KANK1: variants seen among roughly 807,000 people sequenced by gnomAD.
The protein encoded by KANK1 is KN motif and ankyrin repeat domains 1.
In KANK1, 109 loss-of-function variants were observed where a neutral mutation model predicts 106.2. The observed-to-expected ratio is 1.03, with a 90% CI of 0.88 to 1.20. The LOEUF (loss-of-function observed/expected upper bound fraction) is 1.20, where lower values mean the gene tolerates loss of function less well. Ranked by LOEUF, KANK1 falls within the 50% of genes most tolerant of loss-of-function variation. The pLI is 0.00. For missense variants in KANK1, 2,399 were observed against 1,710.7 expected, an observed-to-expected ratio of 1.40 and a Z score of -7.10; for synonymous variants, 873 against 652.2, an observed-to-expected ratio of 1.34 and a Z score of -5.16.
At chr9:667,418 C>G (rs1175021449) in intron 1 of KANK1, among the ~76,000 whole-genome samples, 2 of 151,634 alleles carry the variant, frequency 1.3e-5, no homozygotes, top group East Asian at 1.9e-4. Context: ...TATTTTTGCT[C>G]TGATCTTTAT....
At chr9:614,565 T>G (rs1246191539) in intron 1 of KANK1, among the ~76,000 whole-genome samples, 1 of 152,154 alleles carries the variant, frequency 6.6e-6, no homozygotes, top group Non-Finnish European at 1.5e-5. Flanking sequence ...CAGTTCCTCA[T>G]TGTGTGGGAC....
intron 2 of KANK1, among the ~76,000 whole-genome samples, chr9:695,766 C>A (rs774885668): frequency 9.2e-5 from 14 of 152,126 alleles, no homozygotes; most frequent in Non-Finnish European, 1.5e-4. Context: ...GATGCAGGTA[C>A]TATTATTTTC....
At chr9:671,353 G>T (rs917023883) in intron 1 of KANK1, among the ~76,000 whole-genome samples, 5 of 151,906 alleles carry the variant, frequency 3.3e-5, no homozygotes, top group Non-Finnish European at 5.9e-5. Flanking sequence ...GTCTAGAAAA[G>T]AGTGTACTGG....
At chr9:490,792 A>T (rs1307822372) in intron 3 of KANK1, among the ~76,000 whole-genome samples, 1 of 152,168 alleles carries the variant, frequency 6.6e-6, no homozygotes, top group Non-Finnish European at 1.5e-5. Context: ...AGTGCCAGGG[A>T]CTATGAGTAA....
At position 546,565 on chromosome 9, in the gene KANK1, T is replaced by A. The variant is rs1250042173; in HGVS notation, c.-84+41811T>A. Among the ~76,000 whole-genome samples, 16 of 152,112 alleles carry A rather than the reference T, an allele frequency of 1.1e-4. 1 individual carries two copies. The highest frequency in any genetic ancestry group is 1.0e-3 in the Admixed American group (16 of 15,256). ...TCATTTGCTTGTGGCAGTTTTCACC[T>A]TGCCTCTCCTACCTCTCTACCATAG... On this transcript the variant is annotated intron_variant, in intron 1 of 11. Coordinates refer to ENST00000382297, the MANE Select transcript of KANK1 (RefSeq NM_015158.5).
intron 1 of KANK1, among the ~76,000 whole-genome samples, chr9:544,720 A>G (rs895270274): frequency 1.4e-5 from 2 of 139,610 alleles, no homozygotes; most frequent in African/African-American, 5.3e-5. Flanking sequence ...GGTGAGGTGG[A>G]GTTCGCCAGG....
At chr9:667,742 G>GT (rs1211559529) in intron 1 of KANK1, among the ~76,000 whole-genome samples, 3 of 56,976 alleles carry the variant, frequency 5.3e-5, no homozygotes, top group Non-Finnish European at 1.1e-4. Context: ...AGGTTTTTTT[G>GT]TTTTGTTTTT....
chr9:657,354 G>C (rs987913762), intron 1 of KANK1, among the ~76,000 whole-genome samples: 1 of 151,990 alleles, frequency 6.6e-6, no homozygotes, highest in Non-Finnish European at 1.5e-5. Flanking sequence ...ATGTCTCTTC[G>C]AGTTCCTGTT....
At chr9:687,024 T>A in intron 2 of KANK1, 2 of 667,356 alleles carry the variant, frequency 3.0e-6, no homozygotes, top group Non-Finnish European at 3.7e-6. Flanking sequence ...CTGCTGAATT[T>A]CTTTTCTTTT....
At chr9:666,158 G>C (rs1023877295) in intron 1 of KANK1, among the ~76,000 whole-genome samples, 1 of 151,768 alleles carries the variant, frequency 6.6e-6, no homozygotes, top group East Asian at 1.9e-4. Context: ...GCAAACCTGG[G>C]TGACAGAGCA....
upstream of KANK1, among the ~76,000 whole-genome samples, chr9:504,235 C>T (rs1358452494): frequency 1.3e-5 from 2 of 152,152 alleles, no homozygotes; most frequent in Non-Finnish European, 2.9e-5. Flanking sequence ...ATTTCTTCTC[C>T]CCTTGCGGGT....
intron 2 of KANK1, among the ~76,000 whole-genome samples, chr9:699,956 T>C (rs191418152): frequency 7.4e-4 from 112 of 152,304 alleles, no homozygotes; most frequent in African/African-American, 2.5e-3. Context: ...CACTCCAGCC[T>C]GAGTGACAGA....
chr9:693,340 C>G (rs977445992), intron 2 of KANK1: 1 of 965,384 alleles, frequency 1.0e-6, no homozygotes, highest in Non-Finnish European at 1.2e-6. Flanking sequence ...GAGCCTTTCT[C>G]TGCAGTGGAG....
chr9:498,237 T>C (rs2058488302), intron 3 of KANK1, among the ~76,000 whole-genome samples: 1 of 152,206 alleles, frequency 6.6e-6, no homozygotes, highest in African/African-American at 2.4e-5. Flanking sequence ...TCCAAGTATT[T>C]AGCAGATAAC....
chr9:529,529 A>G (rs771787038), intron 1 of KANK1, among the ~76,000 whole-genome samples: 14 of 151,962 alleles, frequency 9.2e-5, no homozygotes, highest in Non-Finnish European at 1.9e-4. Flanking sequence ...TGTGTATATG[A>G]TCATATTCTC....
chr9:496,630 A>G (rs2058462861), intron 3 of KANK1, among the ~76,000 whole-genome samples: 1 of 152,244 alleles, frequency 6.6e-6, no homozygotes, highest in African/African-American at 2.4e-5. Context: ...TGTTTTAGTT[A>G]TAACAACATT....
At chr9:614,008 G>A (rs1160175232) in intron 1 of KANK1, among the ~76,000 whole-genome samples, 1 of 152,182 alleles carries the variant, frequency 6.6e-6, no homozygotes, top group Non-Finnish European at 1.5e-5. Context: ...GCTGTGCATA[G>A]CGCTCCAAGC....
intron 1 of KANK1, among the ~76,000 whole-genome samples, chr9:541,407 A>G (rs2060590721): frequency 6.6e-6 from 1 of 152,230 alleles, no homozygotes; most frequent in African/African-American, 2.4e-5. Context: ...CTCACACCAT[A>G]TACAAAAATC....
chr9:546,771 G>A (rs932346185), intron 1 of KANK1, among the ~76,000 whole-genome samples: 5 of 151,728 alleles, frequency 3.3e-5, no homozygotes, highest in African/African-American at 1.2e-4. Context: ...TATCTGTCAG[G>A]AAATTCTATT....
Sources: gnomAD v4.1 joint callset for allele counts (sites outside exome capture counted in the v4.1 genomes callset) on GRCh38, gnomAD v4.1.1 for gene constraint, MANE v1.5 for transcripts, NCBI Gene and HGNC (gene_info 2026-07-23, HGNC 2026-07-21) for gene names.